RBFOX3: variants seen among roughly 807,000 people sequenced by gnomAD.
RBFOX3 encodes RNA binding fox-1 homolog 3.
In RBFOX3, 17 loss-of-function variants were observed where a neutral mutation model predicts 48.7. The observed-to-expected ratio is 0.35, with a 90% confidence interval of 0.24 to 0.52. RBFOX3 has a LOEUF of 0.52. RBFOX3 is among the 20% of genes least tolerant of loss of function. The pLI is 0.94. For synonymous variants in RBFOX3, 212 were observed against 209.5 expected, an observed-to-expected ratio of 1.01 and a Z score of -0.10; for missense variants, 382 against 497.5, an observed-to-expected ratio of 0.77 and a Z score of 2.21.
chr17:79,532,170 A>C (rs970049595), intron 1 of RBFOX3, among the ~76,000 whole-genome samples: 105 of 151,926 alleles, frequency 6.9e-4, no homozygotes, highest in African/African-American at 2.5e-3. Context: ...CCTCGGGGCA[A>C]ATGATCTGAA....
intron 2 of RBFOX3, among the ~76,000 whole-genome samples, chr17:79,335,596 C>T (rs1361911297): frequency 1.3e-5 from 2 of 152,146 alleles, no homozygotes; most frequent in African/African-American, 2.4e-5. Flanking sequence ...GGCATGAGTC[C>T]ACACCCCTTG....
At position 79,211,290 on chromosome 17, in the gene RBFOX3, C is replaced by T. The variant is rs370721535; in HGVS notation, c.-34+24476G>A. Among the ~76,000 whole-genome samples the T allele has an allele frequency of 6.6e-5, 10 of 152,334 alleles. No homozygotes were observed. In the South Asian group the frequency reaches 1.0e-3, roughly 16 times the overall value. The stretch of plus-strand genomic sequence containing the variant: ...GAATCAGGATGCTCATTTTGGCACA[C>T]GGCAGCCTGTGCCTCTGACCCTGCC... On this transcript the variant is annotated intron_variant, in intron 4 of 14. Transcript: ENST00000693108.
chr17:79,097,200 C>T (rs1043930221), intron 11 of RBFOX3, 92 bp downstream of exon 11: 3 of 1,059,230 alleles, frequency 2.8e-6, no homozygotes, highest in African/African-American at 1.6e-5. Context: ...GGAAAGGCTG[C>T]CTAGCCCCTC....
At chr17:79,553,559 G>C (rs2091346146) in intron 1 of RBFOX3, among the ~76,000 whole-genome samples, 1 of 152,130 alleles carries the variant, frequency 6.6e-6, no homozygotes, top group Admixed American at 6.5e-5. Context: ...CTCTTTAAAG[G>C]TTTTGTTCAA....
At chr17:79,620,011 GCA>G in the RBFOX3 span, among the ~76,000 whole-genome samples, 132 of 142,356 alleles carry the variant, frequency 9.3e-4, 1 homozygote, top group African/African-American at 2.4e-3. Flanking sequence ...ACATGCACAT[GCA>G]CACACACACG....
intron 2 of RBFOX3, among the ~76,000 whole-genome samples, chr17:79,360,990 T>C (rs566392583): frequency 6.6e-6 from 1 of 152,290 alleles, no homozygotes; most frequent in Non-Finnish European, 1.5e-5. Flanking sequence ...TCCGGGTTAT[T>C]TCTGCTGAAT....
In RBFOX3 at chr17:79,477,422, G is replaced by A. The variant is rs1289375014; in HGVS notation, c.-175+5032C>T. Among the ~76,000 whole-genome samples the A allele has an allele frequency of 2.6e-5, 4 of 151,796 alleles. No individual in the cohort carries two copies. Among genetic ancestry groups the A allele is most frequent in the Non-Finnish European group, 5.9e-5 (4 of 67,986 alleles). Reference sequence around the variant, plus strand: ...ATACAAAACATTAGCCAGACGTGGTGGCGGGCGCCTGTAGTCCCAGCTACT... The same window carrying A: ...ATACAAAACATTAGCCAGACGTGGTAGCGGGCGCCTGTAGTCCCAGCTACT... On this transcript the variant is annotated intron_variant, in intron 2 of 14. Coordinates refer to ENST00000693108, the MANE Select transcript of RBFOX3 (RefSeq NM_001350451.2). The surrounding 1 kb of genome is among the most constrained non-coding windows in gnomAD (Gnocchi z 4.8).
At chr17:79,244,687 C>T (rs981613829) in intron 3 of RBFOX3, among the ~76,000 whole-genome samples, 2 of 107,450 alleles carry the variant, frequency 1.9e-5, no homozygotes, top group Admixed American at 2.0e-4. Flanking sequence ...CACAGGTGCC[C>T]CTCCTAGAGC....
intron 1 of RBFOX3, among the ~76,000 whole-genome samples, chr17:79,531,222 C>A (rs951116341): frequency 6.7e-4 from 102 of 152,338 alleles, no homozygotes; most frequent in African/African-American, 2.4e-3. Flanking sequence ...ACTGTGCTTG[C>A]CCATGGGGGT....
At chr17:79,106,890 C>G (rs1270597086) in intron 5 of RBFOX3, 102 bp from the exon 6 acceptor site, 1 of 1,134,442 alleles carries the variant, frequency 8.8e-7, no homozygotes, top group East Asian at 3.2e-5. Context: ...ATTCTCCCCA[C>G]CCTTCTGGGC....
intron 1 of RBFOX3, among the ~76,000 whole-genome samples, chr17:79,542,422 A>T (rs1244437470): frequency 1.3e-5 from 2 of 152,188 alleles, no homozygotes; most frequent in Non-Finnish European, 2.9e-5. Context: ...ATTAGGAGGG[A>T]TCCCAATGAA....
At chr17:79,180,553 CG>C (rs1258055548) in intron 4 of RBFOX3, among the ~76,000 whole-genome samples, 57 of 152,346 alleles carry the variant, frequency 3.7e-4, no homozygotes, top group East Asian at 9.7e-4. Context: ...GAGGCCTGGC[CG>C]GGTATGGCCC....
At chr17:79,256,991 G>A (rs1005048970) in intron 3 of RBFOX3, among the ~76,000 whole-genome samples, 5 of 152,056 alleles carry the variant, frequency 3.3e-5, no homozygotes, top group African/African-American at 1.2e-4. Context: ...AAAGAAGTTC[G>A]TGACGCGGGT....
intron 4 of RBFOX3, among the ~76,000 whole-genome samples, chr17:79,189,267 G>C (rs1240882560): frequency 6.6e-6 from 1 of 152,180 alleles, no homozygotes; most frequent in Non-Finnish European, 1.5e-5. Context: ...TTCGATATAT[G>C]ATGACCCTTT....
At chr17:79,450,202 C>A (rs781996253) in intron 2 of RBFOX3, among the ~76,000 whole-genome samples, 1 of 152,248 alleles carries the variant, frequency 6.6e-6, no homozygotes, top group African/African-American at 2.4e-5. Flanking sequence ...TGTACAGACA[C>A]TGTGGACTGC....
chr17:79,515,207 A>G (rs1002946825), intron 1 of RBFOX3, among the ~76,000 whole-genome samples: 2 of 152,146 alleles, frequency 1.3e-5, no homozygotes, highest in East Asian at 3.9e-4. Flanking sequence ...TTCCATCTGG[A>G]TCAGCAGAGC....
chr17:79,573,541 C>T (rs2092755021), intron 1 of RBFOX3, among the ~76,000 whole-genome samples: 1 of 152,218 alleles, frequency 6.6e-6, no homozygotes, highest in South Asian at 2.1e-4. Flanking sequence ...TCAAGGCTTT[C>T]ACCCTGACTT....
At position 79,435,824 on chromosome 17, in the gene RBFOX3, C is replaced by T. The variant is rs144645691; in HGVS notation, c.-175+46630G>A. 7.9e-4 allele frequency among the ~76,000 whole-genome samples: 120 copies of T among 152,302 alleles called. 1 individual carries two copies. In the East Asian group the frequency reaches 8.1e-3, roughly 10 times the overall value. On this transcript the variant is annotated intron_variant, in intron 2 of 14. Coordinates refer to ENST00000693108, the MANE Select transcript of RBFOX3 (RefSeq NM_001350451.2). ...CCTTCCAGTCCCCGATGTCTCCCAG[C>T]CACCTTGCACATCCCCGGCCACCTC...
At chr17:79,325,487 G>C (rs1474734403) in intron 2 of RBFOX3, among the ~76,000 whole-genome samples, 1 of 152,072 alleles carries the variant, frequency 6.6e-6, no homozygotes, top group Non-Finnish European at 1.5e-5. Flanking sequence ...CCAACCAAAC[G>C]GCCCCATTGA....
Sources: allele counts gnomAD v4.1 joint callset (sites outside exome capture counted in the v4.1 genomes callset), GRCh38; gene constraint gnomAD v4.1.1; non-coding constraint Gnocchi (gnomAD v3.1); transcripts MANE v1.5; gene names NCBI Gene and HGNC (gene_info 2026-07-23, HGNC 2026-07-21).